Variants in PIK3C2B observed in about 807,000 individuals in gnomAD.
PIK3C2B encodes phosphatidylinositol 4-phosphate 3-kinase C2 domain-containing subunit beta.
A neutral mutation model predicts 184.3 loss-of-function variants in PIK3C2B; 83 were observed. That is an observed-to-expected ratio of 0.45 (90% confidence interval 0.38 to 0.54). The LOEUF is 0.54. Ranked by LOEUF, PIK3C2B falls within the 20% of genes least tolerant of loss-of-function variation. The pLI, the probability that PIK3C2B is intolerant of heterozygous loss-of-function variation, is 0.00. For missense variants in PIK3C2B, 1,736 were observed against 2,113.5 expected (o/e 0.82, Z 3.50); for synonymous variants, 779 against 837.6 (o/e 0.93, Z 1.21).
intron 23 of PIK3C2B, chr1:204,435,584 C>CA (rs1675299693): frequency 6.6e-6 from 1 of 152,174 alleles, no homozygotes; most frequent in African/African-American, 2.4e-5. Flanking sequence ...CATAACTTTC[C>CA]AGACCTTCCA....
Position 204,433,527 on chromosome 1 carries a change from C to A in PIK3C2B, c.3844-102G>T, listed in dbSNP as rs1267329122. The stretch of plus-strand genomic sequence containing the variant: ...GGTTTTCTACAGCTAGGCTCCCTAA[C>A]CCTTCTAGAGGGTGGTAGACAGATG... On this transcript the variant is annotated intron_variant, in intron 25 of 32. Coordinates refer to ENST00000684373, the MANE Select transcript of PIK3C2B (RefSeq NM_001377334.1). The surrounding 1 kb of genome is among the most constrained non-coding windows in gnomAD (Gnocchi z 5.0). The A allele has an allele frequency of 2.5e-6, 2 of 811,482 alleles. No individual in the cohort carries two copies. Among genetic ancestry groups the A allele is most frequent in the African/African-American group, 3.4e-5 (2 of 58,706 alleles). 50.3% of individuals were successfully genotyped at this position (811,482 alleles called of 1,614,324 possible).
At chr1:204,465,429 T>C in intron 2 of PIK3C2B, 110 bp from the exon 3 acceptor site, 1 of 694,832 alleles carries the variant, frequency 1.4e-6, no homozygotes, top group Non-Finnish European at 2.6e-6. Flanking sequence ...TTCTAGTCAC[T>C]CGACATCCAA....
intron 30 of PIK3C2B, 49 bp from the exon 31 acceptor site, chr1:204,427,803 TTC>T (rs766405485): frequency 1.9e-5 from 26 of 1,343,400 alleles, no homozygotes; most frequent in Middle Eastern, 1.8e-4. Context: ...AGGCAGGTGT[TTC>T]TGTTTTCTTC....
intron 28 of PIK3C2B, among the ~76,000 whole-genome samples, chr1:204,431,133 A>G (rs938674698): frequency 6.6e-6 from 1 of 152,142 alleles, no homozygotes; most frequent in Non-Finnish European, 1.5e-5. Flanking sequence ...TGTACCCATT[A>G]AACAACCACA....
chr1:204,468,572 T>C (rs903878481), intron 2 of PIK3C2B, among the ~76,000 whole-genome samples: 1 of 152,190 alleles, frequency 6.6e-6, no homozygotes, highest in African/African-American at 2.4e-5. Flanking sequence ...ATTCAGTCCT[T>C]ACATCAGGAA....
At position 204,424,947 on chromosome 1, in the gene PIK3C2B, G is replaced by A; in HGVS notation, c.4810C>T (p.Leu1604Phe). The A allele has an allele frequency of 6.2e-7, 1 of 1,614,212 alleles. No individual in the cohort carries two copies. Among genetic ancestry groups the A allele is most frequent in the Non-Finnish European group, 8.5e-7 (1 of 1,180,012 alleles). The change falls in exon 33 of 33, where the codon CTC (leucine) becomes TTC (phenylalanine). Residue 1604 changes from leucine to phenylalanine, a missense_variant. Leu to Phe is a conservative substitution (Grantham distance 22). Coordinates refer to ENST00000684373, the MANE Select transcript of PIK3C2B (RefSeq NM_001377334.1). ...SEQGFWENVL[L>F]GEVNIRLREL... ...CGCAGGCGGATGTTCACCTCACCGAGGAGGACGTTCTCCCAGAATCCCTGC... is the reference window on the plus strand; with the variant it reads ...CGCAGGCGGATGTTCACCTCACCGAAGAGGACGTTCTCCCAGAATCCCTGC...
chr1:204,427,932 A>C (rs1372811308), intron 30 of PIK3C2B, among the ~76,000 whole-genome samples, 178 bp from the exon 31 acceptor site: 3 of 152,204 alleles, frequency 2.0e-5, no homozygotes, highest in Admixed American at 2.0e-4. Context: ...CTAAGGATAT[A>C]ATCGACTGAA....
intron 6 of PIK3C2B, 48 bp downstream of exon 6, chr1:204,460,502 A>T (rs2103503921): frequency 6.4e-7 from 1 of 1,567,024 alleles, no homozygotes. Flanking sequence ...TTGTATTCCC[A>T]TTCCACCTCC....
chr1:204,484,048 C>T (rs571914098), intron 1 of PIK3C2B, among the ~76,000 whole-genome samples: 14 of 152,246 alleles, frequency 9.2e-5, no homozygotes, highest in Admixed American at 6.5e-4. Context: ...TAGTACAGCC[C>T]ACTGTAGCAA....
rs1653669112 is a variant in PIK3C2B at position 204,444,391 on chromosome 1, C to A, written c.2712G>T (p.Val904=). The A allele has an allele frequency of 6.2e-7, 1 of 1,613,998 alleles. No individual in the cohort carries two copies. The highest frequency in any genetic ancestry group is 1.7e-5 in the Admixed American group (1 of 60,014). Residue 904 remains valine, a synonymous_variant, in exon 17 of 33, where the codon GTG becomes GTT. Transcript: ENST00000684373. ...FPDQEVRRMA[V]QWIGSLSDAE... The stretch of plus-strand genomic sequence containing the variant: ...CATCTGAGAGTGAGCCAATCCACTG[C>A]ACAGCCATACGACGCACCTCCTGGT...
At chr1:204,489,660 C>T (rs1657879037) in intron 1 of PIK3C2B, among the ~76,000 whole-genome samples, 1 of 152,026 alleles carries the variant, frequency 6.6e-6, no homozygotes, top group African/African-American at 2.4e-5. Context: ...CTTTCACTCT[C>T]TGGGAGACAC....
intron 1 of PIK3C2B, among the ~76,000 whole-genome samples, chr1:204,492,930 A>T (rs759592591): frequency 9.2e-5 from 14 of 152,180 alleles, no homozygotes; most frequent in Non-Finnish European, 1.8e-4. Flanking sequence ...CCATCTCTTC[A>T]GATGCTGGCT....
intron 7 of PIK3C2B, 25 bp from the exon 8 acceptor site, chr1:204,459,966 C>A: frequency 5.6e-6 from 9 of 1,606,832 alleles, no homozygotes; most frequent in Non-Finnish European, 7.7e-6. Flanking sequence ...CAGGGAAAAA[C>A]CACAGGAGAG....
intron 28 of PIK3C2B, among the ~76,000 whole-genome samples, chr1:204,431,031 C>T (rs976964232): frequency 6.6e-6 from 1 of 152,202 alleles, no homozygotes; most frequent in African/African-American, 2.4e-5. Context: ...TTTAAGTGTA[C>T]AGTTCTGTGG....
Position 204,484,832 on chromosome 1 carries a change from C to T in PIK3C2B, c.-85+9524G>A, listed in dbSNP as rs967815770. On this transcript the variant is annotated intron_variant, in intron 1 of 32. Transcript: ENST00000684373. The stretch of plus-strand genomic sequence containing the variant: ...CAGAACATTTCACTCTCCCAGGCCA[C>T]TCAAAAAAATAAACATAAAAATAAA... 2.0e-5 allele frequency among the ~76,000 whole-genome samples: 3 copies of T among 152,004 alleles called. No individual in the cohort carries two copies. In the South Asian group the frequency reaches 6.2e-4, roughly 32 times the overall value.
rs1462421939 is a variant in PIK3C2B at position 204,494,791 on chromosome 1, C to A, written c.-520G>T. The A allele has an allele frequency of 6.6e-6, 1 of 152,216 alleles. No individual in the cohort carries two copies. 9.4% of individuals were successfully genotyped at this position (152,216 alleles called of 1,614,324 possible). A position where few individuals can be genotyped will look rare whatever the true frequency, so the allele number is the denominator to read the frequency against. The stretch of plus-strand genomic sequence containing the variant: ...CAGGCACCCGGCCGCCGGCTCCAGC[C>A]GCAGCGCCGAATCCGCCGCGAGCCG... On this transcript the variant is annotated 5_prime_UTR_variant, in exon 1 of 33. Coordinates refer to ENST00000684373, the MANE Select transcript of PIK3C2B (RefSeq NM_001377334.1).
intron 22 of PIK3C2B, 81 bp downstream of exon 22, chr1:204,440,109 GAC>G (rs1354347574): frequency 1.4e-6 from 2 of 1,402,450 alleles, no homozygotes; most frequent in African/African-American, 2.9e-5. Flanking sequence ...CCTGGAGGAG[GAC>G]ACAGTTTGTG....
rs186010045 is a variant in PIK3C2B, at chr1:204,439,989, T to A, written c.3379+203A>T. Among the ~76,000 whole-genome samples, 288 of 151,350 alleles carry A rather than the reference T, an allele frequency of 1.9e-3. 4 individuals carry two copies. Among genetic ancestry groups the A allele is most frequent in the African/African-American group, 6.7e-3 (278 of 41,292 alleles). On this transcript the variant is annotated intron_variant, in intron 22 of 32. Coordinates refer to ENST00000684373, the MANE Select transcript of PIK3C2B (RefSeq NM_001377334.1). ...AGGATCCAAAGTCTACACAATATGC[T>A]TGGCTGTCACGGCACCAAGTCTGTT...
intron 5 of PIK3C2B, among the ~76,000 whole-genome samples, chr1:204,461,558 T>C (rs2103505396): frequency 6.6e-6 from 1 of 151,882 alleles, no homozygotes; most frequent in South Asian, 2.1e-4. Flanking sequence ...GACAGGAGCA[T>C]AAGGGGGGCA....
Sources: allele counts gnomAD v4.1 joint callset (sites outside exome capture counted in the v4.1 genomes callset), GRCh38; gene constraint gnomAD v4.1.1; non-coding constraint Gnocchi (gnomAD v3.1); transcripts MANE v1.5; gene names NCBI Gene and HGNC (gene_info 2026-07-23, HGNC 2026-07-21).